The following SUMF2 variants were observed in gnomAD, a reference collection of about 807,000 sequenced individuals.
SUMF2 encodes inactive C-alpha-formylglycine-generating enzyme 2.
A neutral mutation model predicts 44.8 loss-of-function variants in SUMF2; 45 were observed. The ratio of observed to expected loss-of-function variants is 1.00; its 90% CI spans 0.79 to 1.29. The LOEUF (loss-of-function observed/expected upper bound fraction) is 1.29. SUMF2 is among the 50% of genes most tolerant of loss of function. SUMF2 has a pLI of 0.00. For synonymous variants in SUMF2, 148 were observed against 150.4 expected, an observed-to-expected ratio of 0.98 and a Z score of 0.12; for missense variants, 418 against 389.9, an observed-to-expected ratio of 1.07 and a Z score of -0.61.
At chr7:56,079,139 G>C (rs1562871685) in intron 8 of SUMF2, 1 of 482,776 alleles carries the variant, frequency 2.1e-6, no homozygotes, top group Non-Finnish European at 3.7e-6. Context: ...CTCCCAGAAT[G>C]CTAGGATTAC....
chr7:56,077,947 T>A (rs533575090), intron 6 of SUMF2, among the ~76,000 whole-genome samples, 155 bp from the exon 7 acceptor site: 1 of 152,028 alleles, frequency 6.6e-6, no homozygotes, highest in Non-Finnish European at 1.5e-5. Context: ...AGGTGATGGG[T>A]TTGGGAGCTC....
At chr7:56,076,993 C>A in intron 6 of SUMF2, 104 bp downstream of exon 6, 1 of 1,013,728 alleles carries the variant, frequency 9.9e-7, no homozygotes, top group Non-Finnish European at 1.5e-6. Flanking sequence ...GGTTCTAATG[C>A]AACTGATGAC....
chr7:56,083,130 A>AT, downstream of SUMF2: 2 of 708,592 alleles, frequency 2.8e-6, no homozygotes, highest in Non-Finnish European at 2.3e-6. Flanking sequence ...AGAAAGAAAA[A>AT]GAAAAAAAAA....
Position 56,076,866 on chromosome 7 carries a change from C to T in SUMF2, c.568C>T (p.Pro190Ser). The change falls in exon 6 of 9, where the codon CCA becomes TCA. Residue 190 changes from proline to serine, a missense_variant. Transcript: ENST00000434526. ...QVYPWGNWFQPNRTNLWQGKF... is the reference protein window; with the variant it reads ...QVYPWGNWFQSNRTNLWQGKF... ...TTACCCATGGGGGAACTGGTTCCAG[C>T]CAAACCGCACCAACCTGTGGCAGGT... 6.2e-7 allele frequency: 1 copy of T among 1,606,386 alleles called. No homozygotes were observed. Among genetic ancestry groups the T allele is most frequent in the Non-Finnish European group, 8.5e-7 (1 of 1,176,400 alleles).
At chr7:56,081,489 C>G, downstream of SUMF2, 3 of 1,253,320 alleles carry the variant, frequency 2.4e-6, no homozygotes, top group Non-Finnish European at 3.3e-6. The surrounding 1 kb of genome is among the most constrained non-coding windows in gnomAD (Gnocchi z 4.6). Context: ...CACCTGCCGT[C>G]TTTGAAGCCA....
At chr7:56,078,995 C>T (rs1207392886) in intron 8 of SUMF2, 1 of 621,654 alleles carries the variant, frequency 1.6e-6, no homozygotes, top group Non-Finnish European at 2.9e-6. Context: ...CTGCCAGGCT[C>T]TAGCGATTCT....
At chr7:56,069,723 G>A (rs995072736) in intron 2 of SUMF2, among the ~76,000 whole-genome samples, 20 of 151,986 alleles carry the variant, frequency 1.3e-4, no homozygotes, top group Non-Finnish European at 2.4e-4. Flanking sequence ...GGGACTACAG[G>A]TGCGCACTAT....
intron 6 of SUMF2, among the ~76,000 whole-genome samples, chr7:56,077,256 C>T (rs1345311101): frequency 2.0e-5 from 3 of 150,432 alleles, no homozygotes; most frequent in East Asian, 4.0e-4. Context: ...GCCATGTTGG[C>T]CAGGCTGGTC....
chr7:56,076,904 C>T lies in SUMF2; in HGVS notation c.591+15C>T, dbSNP rs765905384. The T allele has an allele frequency of 9.4e-6, 15 of 1,601,126 alleles. No homozygotes were observed. The highest frequency in any genetic ancestry group is 1.3e-5 in the African/African-American group (1 of 74,552). On this transcript the variant is annotated intron_variant, in intron 6 of 8. Coordinates refer to ENST00000434526, the MANE Select transcript of SUMF2 (RefSeq NM_015411.4). ...ACCTGTGGCAGGTAAGACCTACGTT[C>T]CTCCTTTCACCAAGCATTGACAGAG...
At chr7:56,083,746 G>A (rs368370335), downstream of SUMF2, 31 of 1,476,628 alleles carry the variant, frequency 2.1e-5, no homozygotes, top group African/African-American at 1.5e-4. Flanking sequence ...TAGCTGGATC[G>A]GTCCCAAGAC....
At chr7:56,070,890 C>T (rs1402887859) in intron 2 of SUMF2, among the ~76,000 whole-genome samples, 2 of 152,090 alleles carry the variant, frequency 1.3e-5, no homozygotes, top group Non-Finnish European at 2.9e-5. Context: ...GTGAAGGAAA[C>T]CTCCGCCAGA....
At chr7:56,075,958 G>A (rs900373616) in intron 5 of SUMF2, among the ~76,000 whole-genome samples, 1 of 151,726 alleles carries the variant, frequency 6.6e-6, no homozygotes, top group Non-Finnish European at 1.5e-5. Context: ...CGCCTCCCGG[G>A]TTCAAGGGAT....
chr7:56,075,875 T>C (rs1018527043), intron 5 of SUMF2, among the ~76,000 whole-genome samples: 8 of 152,048 alleles, frequency 5.3e-5, no homozygotes, highest in Non-Finnish European at 1.0e-4. Flanking sequence ...TTTTTGTTTT[T>C]TGTTTTGAGA....
downstream of SUMF2, chr7:56,082,325 G>GC: frequency 8.3e-7 from 1 of 1,205,010 alleles, no homozygotes; most frequent in East Asian, 2.3e-5. Flanking sequence ...GGCCGCAGTG[G>GC]CTCATTTCTA....
chr7:56,086,770 G>A, the SUMF2 span: 1 of 578,246 alleles, frequency 1.7e-6, no homozygotes, highest in Non-Finnish European at 3.1e-6. Flanking sequence ...TTAAAGAAAT[G>A]ATCCAGCCCA....
At chr7:56,081,292 G>A, downstream of SUMF2, 2 of 1,608,268 alleles carry the variant, frequency 1.2e-6, no homozygotes, top group South Asian at 1.1e-5. This position sits in a 1 kb window ranked among gnomAD's most constrained non-coding sequence, Gnocchi z 4.6. Context: ...CACGGTCAGA[G>A]CGATCACCTG....
At position 56,074,196 on chromosome 7, in the gene SUMF2, T is replaced by C. The variant is rs755645740; in HGVS notation, c.362T>C (p.Val121Ala). Reference protein sequence around the residue: ...PMKSVLWWLPVEKAFWRQPAG... With the variant: ...PMKSVLWWLPAEKAFWRQPAG... ...CAGTCTGTACTCTGGTGGCTTCCAG[T>C]GGAAAAGGCATTTTGGAGGCAGGTA... Residue 121 changes from valine (V) to alanine (A), a missense_variant, in exon 4 of 9, where the codon GTG becomes GCG. Coordinates refer to ENST00000434526, the MANE Select transcript of SUMF2 (RefSeq NM_015411.4). The C allele has an allele frequency of 6.2e-7, 1 of 1,613,980 alleles. No homozygotes were observed. Among genetic ancestry groups the C allele is most frequent in the South Asian group, 1.1e-5 (1 of 91,080 alleles).
chr7:56,076,201 T>C (rs1337940770), intron 5 of SUMF2, among the ~76,000 whole-genome samples: 1 of 152,174 alleles, frequency 6.6e-6, no homozygotes. Flanking sequence ...TAATTTTTTG[T>C]ATTTTTAGTA....
At chr7:56,081,535 T>C (rs1289452536), downstream of SUMF2, 5 of 1,451,640 alleles carry the variant, frequency 3.4e-6, no homozygotes, top group Non-Finnish European at 4.7e-6. This position sits in a 1 kb window ranked among gnomAD's most constrained non-coding sequence, Gnocchi z 4.6. Context: ...ATGGGTACTC[T>C]GGAAATTCAC....
Sources: allele counts gnomAD v4.1 joint callset (sites outside exome capture counted in the v4.1 genomes callset), GRCh38; gene constraint gnomAD v4.1.1; non-coding constraint Gnocchi (gnomAD v3.1); transcripts MANE v1.5; gene names NCBI Gene and HGNC (gene_info 2026-07-23, HGNC 2026-07-21).